The following EIF2D variants were observed in gnomAD, a reference collection of about 807,000 sequenced individuals.
EIF2D encodes the protein hepatocellular carcinoma-associated antigen 56.
Under a neutral mutation model 77.4 loss-of-function variants are expected in EIF2D, and 56 were observed. The observed-to-expected ratio is 0.72, with a 90% confidence interval of 0.58 to 0.90. The LOEUF is 0.90. Among genes scored for constraint, EIF2D ranks in the 40% least tolerant of loss-of-function variants. EIF2D has a pLI of 0.00. For missense variants in EIF2D, 574 were observed against 706.5 expected, an observed-to-expected ratio of 0.81 and a Z score of 2.13; for synonymous variants, 230 against 271.0, an observed-to-expected ratio of 0.85 and a Z score of 1.49.
chr1:206,574,555 A>T (rs1668565055), intron 4 of EIF2D, among the ~76,000 whole-genome samples: 1 of 152,036 alleles, frequency 6.6e-6, no homozygotes, highest in African/African-American at 2.4e-5. Context: ...AATACACCCT[A>T]CCAGAGCTGC....
At chr1:206,583,866 G>A (rs891635611) in intron 2 of EIF2D, among the ~76,000 whole-genome samples, 1 of 152,206 alleles carries the variant, frequency 6.6e-6, no homozygotes, top group Non-Finnish European at 1.5e-5. Flanking sequence ...CCTGCTGGTG[G>A]CTGGCATCAG....
At chr1:206,586,814 C>T, downstream of EIF2D, 1 of 1,609,518 alleles carries the variant, frequency 6.2e-7, no homozygotes, top group Non-Finnish European at 8.5e-7. Context: ...AAATCTCCCT[C>T]TCGCCTCACA....
chr1:206,607,595 T>C (rs1244285259), intron 4 of EIF2D, among the ~76,000 whole-genome samples: 3 of 152,072 alleles, frequency 2.0e-5, no homozygotes, highest in South Asian at 2.1e-4. Context: ...CCTGTCTGTA[T>C]GTAAACTGTA....
intron 7 of EIF2D, 48 bp downstream of exon 7, chr1:206,602,288 C>T (rs376661709): frequency 1.6e-5 from 24 of 1,503,456 alleles, no homozygotes; most frequent in African/African-American, 5.5e-5. Context: ...AAGGAGCACA[C>T]GTGAGACCCC....
chr1:206,586,540 T>G, intron 2 of EIF2D: 1 of 296,612 alleles, frequency 3.4e-6, no homozygotes, highest in Non-Finnish European at 6.4e-6. Context: ...ACTGTCAAGA[T>G]CTCGGCTGCT....
In EIF2D at chr1:206,602,311, C is replaced by T. The variant is rs782236195; in HGVS notation, c.902+25G>A. ...CACGTGAGACCCCGGCCCCGGCCTC[C>T]AGCCCACATCAGTGCTTTCCATACC... On this transcript the variant is annotated intron_variant, in intron 7 of 14. Transcript: ENST00000271764. 32 of 1,602,730 alleles carry T rather than the reference C, an allele frequency of 2.0e-5. No homozygotes were observed. In the South Asian group the frequency reaches 3.4e-4, roughly 17 times the overall value.
At chr1:206,597,062 G>A (rs371484311) in intron 12 of EIF2D, 38 bp downstream of exon 12, 45 of 1,471,908 alleles carry the variant, frequency 3.1e-5, no homozygotes, top group Non-Finnish European at 4.3e-5. Flanking sequence ...AAGGCGAGGG[G>A]ATAGAAAAGT....
chr1:206,576,612 TG>T (rs2103559704), intron 4 of EIF2D, among the ~76,000 whole-genome samples: 1 of 152,238 alleles, frequency 6.6e-6, no homozygotes, highest in African/African-American at 2.4e-5. Flanking sequence ...TTTCTCCATG[TG>T]GGAATCAAAA....
rs35252702 is a variant in EIF2D, at chr1:206,603,106, G to A, written c.629C>T (p.Thr210Ile). The A allele has an allele frequency of 0.017, 26,921 of 1,614,060 alleles. 2,050 individuals are homozygous for A. In the African/African-American group the frequency reaches 0.22, roughly 13 times the overall value. The change falls in exon 6 of 15, where the codon ACC (threonine) becomes ATC (isoleucine). Residue 210 changes from threonine to isoleucine, a missense_variant. Coordinates refer to ENST00000271764, the MANE Select transcript of EIF2D (RefSeq NM_006893.3). Reference sequence around the variant, plus strand: ...CATGTGCCTCATGTCTCCCTGCAGGGTGGAGTCCATCTGGACAGACCCCTT... The same window carrying A: ...CATGTGCCTCATGTCTCCCTGCAGGATGGAGTCCATCTGGACAGACCCCTT... ...EEKGSVQMDS[T>I]LQGDMRHMTL...
chr1:206,599,224 T>A lies in EIF2D; in HGVS notation c.1203-132A>T. ...CGGCCTCTAGTTTCTTCCCTTTTCC[T>A]GACTGAAGTGAGCATGACCATGTGA... On this transcript the variant is annotated intron_variant, in intron 10 of 14. Coordinates refer to ENST00000271764, the MANE Select transcript of EIF2D (RefSeq NM_006893.3). This position sits in a 1 kb window ranked among gnomAD's most constrained non-coding sequence, Gnocchi z 4.1. 1.1e-6 allele frequency: 1 copy of A among 917,992 alleles called. No homozygotes were observed. Among genetic ancestry groups the A allele is most frequent in the Non-Finnish European group, 1.7e-6 (1 of 601,164 alleles). The allele number at this position is 917,992 out of a possible 1,614,324, so 56.9% of individuals were successfully genotyped here. A position where few individuals can be genotyped will look rare whatever the true frequency, so the allele number is the denominator to read the frequency against.
intron 4 of EIF2D, among the ~76,000 whole-genome samples, chr1:206,606,135 G>A (rs1553412658): frequency 6.6e-6 from 1 of 152,216 alleles, no homozygotes; most frequent in African/African-American, 2.4e-5. Context: ...TGCCAGCCCA[G>A]TGTTACTCAA....
At position 206,612,464 on chromosome 1, in the gene EIF2D, G is replaced by C. The variant is rs888082301; in HGVS notation, c.-122C>G. ...CCATGCTGGGGCCCGGCCGCGAAAA[G>C]GGCCCGGCTGGAAACCAGGGCCGCG... On this transcript the variant is annotated 5_prime_UTR_variant, in exon 1 of 15. Coordinates refer to ENST00000271764, the MANE Select transcript of EIF2D (RefSeq NM_006893.3). 1.0e-4 allele frequency: 133 copies of C among 1,301,584 alleles called. No individual in the cohort carries two copies. The highest frequency in any genetic ancestry group is 1.3e-4 in the Non-Finnish European group (118 of 916,932). The allele number at this position is 1,301,584 out of a possible 1,614,324, so 80.6% of individuals were successfully genotyped here. A position where few individuals can be genotyped will look rare whatever the true frequency, so the allele number is the denominator to read the frequency against.
chr1:206,588,809 A>G (rs1669238921), downstream of EIF2D: 2 of 152,864 alleles, frequency 1.3e-5, no homozygotes, highest in South Asian at 4.1e-4. Context: ...CCTGCTGTAT[A>G]TTAAAGGGAG....
intron 5 of EIF2D, 144 bp downstream of exon 5, chr1:206,605,256 A>G (rs1670146485): frequency 1.9e-6 from 1 of 529,394 alleles, no homozygotes. Flanking sequence ...TATTTTCTTT[A>G]TATTTGTAAG....
downstream of EIF2D, chr1:206,587,495 C>T (rs1166476827): frequency 5.9e-6 from 1 of 170,520 alleles, no homozygotes; most frequent in African/African-American, 2.4e-5. Context: ...TTCCCGCGGC[C>T]CCAAGGTGCC....
chr1:206,593,250 T>TGCA (rs1433103235), intron 14 of EIF2D, among the ~76,000 whole-genome samples: 1 of 152,180 alleles, frequency 6.6e-6, no homozygotes, highest in African/African-American at 2.4e-5. Context: ...ATAACAGCTC[T>TGCA]GCAGCATCAT....
chr1:206,591,698 G>A lies in EIF2D; in HGVS notation c.*77C>T. ...AGAATTATATTTTGTATTTGCAAAAGCTGAAAATGCTCATAAAAATTACCA... is the reference window on the plus strand; with the variant it reads ...AGAATTATATTTTGTATTTGCAAAAACTGAAAATGCTCATAAAAATTACCA... On this transcript the variant is annotated 3_prime_UTR_variant, in exon 15 of 15. Coordinates refer to ENST00000271764, the MANE Select transcript of EIF2D (RefSeq NM_006893.3). 6 of 1,290,576 alleles carry A rather than the reference G, an allele frequency of 4.6e-6. No individual in the cohort carries two copies. Among genetic ancestry groups the A allele is most frequent in the Non-Finnish European group, 6.7e-6 (6 of 896,956 alleles). The allele number at this position is 1,290,576 out of a possible 1,614,324, so 79.9% of individuals were successfully genotyped here. A position where few individuals can be genotyped will look rare whatever the true frequency, so the allele number is the denominator to read the frequency against.
Position 206,584,617 on chromosome 1 carries a change from G to C in EIF2D, c.139-3455C>G, listed in dbSNP as rs782249472. On this transcript the variant is annotated intron_variant and NMD_transcript_variant, in intron 2 of 5. Coordinates refer to the EIF2D transcript ENST00000472709. The surrounding 1 kb of genome is among the most constrained non-coding windows in gnomAD (Gnocchi z 4.9). ...GTGAGGTCATCCAGGGGCTGCTCAA[G>C]AAGTTCATGGTTGTGGACAATCCCC... 19 of 1,614,210 alleles carry C rather than the reference G, an allele frequency of 1.2e-5. No individual in the cohort carries two copies. Among genetic ancestry groups the C allele is most frequent in the Non-Finnish European group, 1.6e-5 (19 of 1,180,042 alleles).
At chr1:206,575,993 C>T (rs1450300291) in intron 4 of EIF2D, among the ~76,000 whole-genome samples, 1 of 152,204 alleles carries the variant, frequency 6.6e-6, no homozygotes, top group Non-Finnish European at 1.5e-5. Flanking sequence ...TTGCCCTCCC[C>T]TGCCACCCAA....
Sources: allele counts gnomAD v4.1 joint callset (sites outside exome capture counted in the v4.1 genomes callset), GRCh38; gene constraint gnomAD v4.1.1; non-coding constraint Gnocchi (gnomAD v3.1); transcripts MANE v1.5; gene names NCBI Gene and HGNC (gene_info 2026-07-23, HGNC 2026-07-21).